PHF19: variants seen among roughly 807,000 people sequenced by gnomAD.
PHF19 encodes the protein PHD finger protein 19.
Under a neutral mutation model 79.8 loss-of-function variants are expected in PHF19, and 21 were observed. The ratio of observed to expected loss-of-function variants is 0.26; its 90% CI spans 0.19 to 0.38. The LOEUF (loss-of-function observed/expected upper bound fraction) is 0.38, where lower values mean the gene tolerates loss of function less well. Among genes scored for constraint, PHF19 ranks in the 10% least tolerant of loss-of-function variants. PHF19 has a pLI of 1.00. For missense variants in PHF19, 445 were observed against 744.2 expected, an observed-to-expected ratio of 0.60 and a Z score of 4.68; for synonymous variants, 273 against 296.3, an observed-to-expected ratio of 0.92 and a Z score of 0.81.
In PHF19 at chr9:120,864,440, CA is replaced by C. The variant is rs11400571; in HGVS notation, c.901-325del. 3.3e-3 allele frequency among the ~76,000 whole-genome samples: 492 copies of C among 151,354 alleles called. 7 individuals carry two copies. The highest frequency in any genetic ancestry group is 4.4e-3 in the Non-Finnish European group (295 of 67,752). ...CGAAATAGGAACAAAACTTTACATA[CA>C]AAAAAAAATGGTGGCATTGTTTCTA... On this transcript the variant is annotated intron_variant, in intron 9 of 14. Coordinates refer to ENST00000373896, the MANE Select transcript of PHF19 (RefSeq NM_015651.3).
intron 12 of PHF19, among the ~76,000 whole-genome samples, 171 bp from the exon 13 acceptor site, chr9:120,861,345 A>G (rs550358423): frequency 6.6e-6 from 1 of 152,336 alleles, no homozygotes; most frequent in East Asian, 1.9e-4. Flanking sequence ...TCCCAGTTCT[A>G]GCCCTGCCTT....
intron 6 of PHF19, chr9:120,868,845 G>A (rs1008951158): frequency 1.7e-5 from 18 of 1,065,944 alleles, no homozygotes; most frequent in South Asian, 1.5e-4. Flanking sequence ...CAACCCGCCA[G>A]GCCCGCCTCC....
At chr9:120,858,344 T>G in intron 14 of PHF19, 58 bp from the exon 15 acceptor site, 1 of 1,327,016 alleles carries the variant, frequency 7.5e-7, no homozygotes, top group Non-Finnish European at 1.0e-6. Flanking sequence ...TCACAGTAAA[T>G]TCCTCTCCCT....
intron 9 of PHF19, among the ~76,000 whole-genome samples, chr9:120,865,303 T>C (rs2045666262): frequency 6.6e-6 from 1 of 152,236 alleles, no homozygotes; most frequent in Non-Finnish European, 1.5e-5. Context: ...TCTGCAACTC[T>C]GACATTCCGA....
chr9:120,887,073 A>AAAAAAAG (rs111427727), intron 1 of PHF19, among the ~76,000 whole-genome samples: 1 of 144,292 alleles, frequency 6.9e-6, no homozygotes, highest in Non-Finnish European at 1.5e-5. Context: ...CTAAAAAAAA[A>AAAAAAAG]AAAAGAAAAG....
At chr9:120,884,879 C>T (rs2046241662) in intron 1 of PHF19, among the ~76,000 whole-genome samples, 1 of 152,024 alleles carries the variant, frequency 6.6e-6, no homozygotes, top group Non-Finnish European at 1.5e-5. Flanking sequence ...TCAGATAGCA[C>T]CACTGCACTC....
At chr9:120,893,401 C>G (rs567498440) in intron 1 of PHF19, among the ~76,000 whole-genome samples, 2 of 152,172 alleles carry the variant, frequency 1.3e-5, no homozygotes, top group South Asian at 4.1e-4. Flanking sequence ...TGGCAGGTGG[C>G]TCCCTGTCTG....
chr9:120,866,075 G>A lies in PHF19; in HGVS notation c.732C>T (p.Ser244=), dbSNP rs763807876. The A allele has an allele frequency of 8.7e-6, 14 of 1,613,852 alleles. No homozygotes were observed. Among genetic ancestry groups the A allele is most frequent in the African/African-American group, 2.7e-5 (2 of 74,884 alleles). Reference sequence around the variant, plus strand: ...TGTACTCTGGGCCCTGGTTACACACGGAGCAGAAGAACAGGTAAAACCTGT... The same window carrying A: ...TGTACTCTGGGCCCTGGTTACACACAGAGCAGAAGAACAGGTAAAACCTGT... ...FGDRFYLFFC[S]VCNQGPEYIE... The change falls in exon 8 of 15, where the codon TCC becomes TCT. Residue 244 remains serine, a synonymous_variant. Coordinates refer to ENST00000373896, the MANE Select transcript of PHF19 (RefSeq NM_015651.3). The surrounding 1 kb of genome is among the most constrained non-coding windows in gnomAD (Gnocchi z 5.2).
intron 1 of PHF19, among the ~76,000 whole-genome samples, chr9:120,886,409 A>G (rs1449700031): frequency 6.6e-6 from 1 of 152,210 alleles, no homozygotes; most frequent in Non-Finnish European, 1.5e-5. Context: ...AAAATAGAGA[A>G]ATGCGAAGGC....
intron 1 of PHF19, among the ~76,000 whole-genome samples, chr9:120,885,790 T>G (rs1011935842): frequency 1.3e-5 from 2 of 152,192 alleles, no homozygotes; most frequent in African/African-American, 2.4e-5. Context: ...TTTAAAATCC[T>G]TCTGTTTGAG....
intron 13 of PHF19, 47 bp downstream of exon 13, chr9:120,861,038 TTCCC>T: frequency 9.5e-7 from 1 of 1,055,690 alleles, no homozygotes; most frequent in Non-Finnish European, 1.5e-6. Context: ...TTCTGCTTGG[TTCCC>T]TCCCTGTCTC....
intron 10 of PHF19, among the ~76,000 whole-genome samples, chr9:120,863,497 A>C (rs1424375885): frequency 2.0e-5 from 3 of 152,206 alleles, no homozygotes; most frequent in Non-Finnish European, 2.9e-5. Flanking sequence ...CATGAGTAAA[A>C]GTGCCAGGTA....
chr9:120,879,117 G>A (rs796761175), upstream of PHF19, among the ~76,000 whole-genome samples: 8 of 152,196 alleles, frequency 5.3e-5, no homozygotes, highest in African/African-American at 1.9e-4. Flanking sequence ...AAGCCTCCGT[G>A]TCCTCACCTA....
intron 10 of PHF19, among the ~76,000 whole-genome samples, 165 bp downstream of exon 10, chr9:120,863,884 T>C (rs990355779): frequency 2.6e-5 from 4 of 151,876 alleles, no homozygotes; most frequent in Non-Finnish European, 5.9e-5. Context: ...GGAGTGGCTG[T>C]GCAAAGGAGG....
chr9:120,868,723 G>T, intron 6 of PHF19: 2 of 576,804 alleles, frequency 3.5e-6, no homozygotes, highest in Non-Finnish European at 4.3e-6. Context: ...TTGAGGCCTC[G>T]CCTCCTCAGG....
At chr9:120,861,848 C>T (rs1052221544) in intron 12 of PHF19, 70 bp downstream of exon 12, 42 of 1,079,256 alleles carry the variant, frequency 3.9e-5, no homozygotes, top group Admixed American at 1.5e-4. Flanking sequence ...ACTTAGTTTT[C>T]GGCACAGGAA....
intron 1 of PHF19, among the ~76,000 whole-genome samples, chr9:120,885,829 G>A (rs1224313175): frequency 6.6e-6 from 1 of 152,158 alleles, no homozygotes. Flanking sequence ...CTTCTTATGA[G>A]TTTCAGAGGT....
chr9:120,871,253 A>G (rs976711618), intron 3 of PHF19, among the ~76,000 whole-genome samples: 1 of 152,212 alleles, frequency 6.6e-6, no homozygotes, highest in African/African-American at 2.4e-5. Context: ...ACTCATGGCC[A>G]ATCTCGTTTC....
the PHF19 span, among the ~76,000 whole-genome samples, chr9:120,900,846 G>C: frequency 6.6e-6 from 1 of 152,246 alleles, no homozygotes; most frequent in Non-Finnish European, 1.5e-5. Flanking sequence ...GATTAGAAGC[G>C]TGAGCCATTG....
Sources: gnomAD v4.1 joint callset for allele counts (sites outside exome capture counted in the v4.1 genomes callset) on GRCh38, gnomAD v4.1.1 for gene constraint, Gnocchi (gnomAD v3.1) non-coding constraint, MANE v1.5 for transcripts, NCBI Gene and HGNC (gene_info 2026-07-23, HGNC 2026-07-21) for gene names.